The following RPS6KA2 variants were observed in gnomAD, a reference collection of about 807,000 sequenced individuals.
RPS6KA2 encodes the protein ribosomal protein S6 kinase alpha-2.
A neutral mutation model predicts 91.8 loss-of-function variants in RPS6KA2; 42 were observed. That is an observed-to-expected ratio of 0.46 (90% CI 0.36 to 0.59). The LOEUF (loss-of-function observed/expected upper bound fraction) is 0.59, where lower values mean the gene tolerates loss of function less well. RPS6KA2 is among the 20% of genes least tolerant of loss of function. RPS6KA2 has a pLI of 0.00. For synonymous variants in RPS6KA2, 414 were observed against 393.6 expected (o/e 1.05, Z -0.61); for missense variants, 798 against 978.5 (o/e 0.82, Z 2.46).
chr6:166,705,502 T>A (rs570270399), intron 2 of RPS6KA2, among the ~76,000 whole-genome samples: 1 of 152,158 alleles, frequency 6.6e-6, no homozygotes, highest in East Asian at 1.9e-4. Flanking sequence ...CCAGTAAACA[T>A]CACACTCAGT....
chr6:166,616,017 C>G (rs1342944315), intron 1 of RPS6KA2, among the ~76,000 whole-genome samples: 9 of 152,098 alleles, frequency 5.9e-5, no homozygotes, highest in Non-Finnish European at 1.3e-4. Flanking sequence ...AACAGCAGTC[C>G]CTGCGCTAGG....
chr6:166,702,780 A>T, intron 2 of RPS6KA2: 1 of 1,120,456 alleles, frequency 8.9e-7, no homozygotes, highest in Non-Finnish European at 1.4e-6. Flanking sequence ...CCTTCAAGAT[A>T]CCTTCTAGGT....
upstream of RPS6KA2, among the ~76,000 whole-genome samples, chr6:166,631,371 T>C (rs991172258): frequency 6.6e-6 from 1 of 152,226 alleles, no homozygotes; most frequent in Non-Finnish European, 1.5e-5. Context: ...GGTTTCAAGC[T>C]GTGGAAACCA....
intron 2 of RPS6KA2, among the ~76,000 whole-genome samples, chr6:166,721,175 A>G (rs1423594663): frequency 1.3e-5 from 2 of 152,222 alleles, no homozygotes; most frequent in Admixed American, 6.5e-5. Flanking sequence ...ATGGTTTAAC[A>G]TCAAAACATC....
At chr6:166,721,376 A>G (rs1790169130) in intron 2 of RPS6KA2, among the ~76,000 whole-genome samples, 1 of 152,226 alleles carries the variant, frequency 6.6e-6, no homozygotes, top group African/African-American at 2.4e-5. Context: ...ACCCGGGAGC[A>G]CAGGCCTAGC....
At chr6:166,711,635 G>A (rs1234592309) in intron 2 of RPS6KA2, among the ~76,000 whole-genome samples, 2 of 151,998 alleles carry the variant, frequency 1.3e-5, no homozygotes, top group Non-Finnish European at 2.9e-5. Context: ...GGGCTTAATA[G>A]CTGAGTCGAG....
At chr6:166,488,747 A>C in intron 10 of RPS6KA2, 86 bp downstream of exon 10, 1 of 1,016,748 alleles carries the variant, frequency 9.8e-7, no homozygotes. Flanking sequence ...GGGCCGGAGC[A>C]GGAGGGTGGC....
chr6:166,834,790 T>C (rs973144473), intron 2 of RPS6KA2, among the ~76,000 whole-genome samples: 1 of 151,818 alleles, frequency 6.6e-6, no homozygotes, highest in African/African-American at 2.4e-5. Context: ...TCTGACAGTG[T>C]CTTTTCAAGG....
At chr6:166,759,550 T>C (rs1453655035) in intron 2 of RPS6KA2, among the ~76,000 whole-genome samples, 4 of 152,270 alleles carry the variant, frequency 2.6e-5, no homozygotes, top group African/African-American at 9.6e-5. Context: ...TGTGATTTTA[T>C]GTGAGTCTCA....
At position 166,767,238 on chromosome 6, in the gene RPS6KA2, C is replaced by T. The variant is rs76310504; in HGVS notation, c.123+90962G>A. 5.0e-3 allele frequency among the ~76,000 whole-genome samples: 761 copies of T among 152,304 alleles called. 7 individuals are homozygous for T. Among genetic ancestry groups the T allele is most frequent in the African/African-American group, 0.017 (721 of 41,570 alleles). ...TCGCCTATCACCTCCCCATGAGCAA[C>T]GCCATCAAAAAGCAAAATACAACTG... On this transcript the variant is annotated intron_variant, in intron 2 of 21. Coordinates refer to the RPS6KA2 transcript ENST00000503859. The surrounding 1 kb of genome is among the most constrained non-coding windows in gnomAD (Gnocchi z 4.6).
chr6:166,795,601 C>T (rs1250715262), intron 2 of RPS6KA2, among the ~76,000 whole-genome samples: 1 of 152,196 alleles, frequency 6.6e-6, no homozygotes, highest in African/African-American at 2.4e-5. Context: ...AGGTAATCAT[C>T]GTGGTTGGAG....
intron 2 of RPS6KA2, among the ~76,000 whole-genome samples, chr6:166,765,763 G>A (rs1285175943): frequency 6.6e-6 from 1 of 152,156 alleles, no homozygotes; most frequent in Non-Finnish European, 1.5e-5. Context: ...TCGACTTAAG[G>A]TGTTTTAGGC....
At chr6:166,589,515 T>C (rs959757288) in intron 1 of RPS6KA2, among the ~76,000 whole-genome samples, 5 of 152,202 alleles carry the variant, frequency 3.3e-5, no homozygotes, top group African/African-American at 1.2e-4. Context: ...ACCCTTAGAA[T>C]TGAAATCAGT....
In RPS6KA2 at chr6:166,433,485, G is replaced by T. The variant is rs917396933; in HGVS notation, c.1333-995C>A. On this transcript the variant is annotated intron_variant, in intron 14 of 20. Transcript: ENST00000265678. This position sits in a 1 kb window ranked among gnomAD's most constrained non-coding sequence, Gnocchi z 4.4. ...CCCGCCCTTGCCGCCCCTGCTGTGG[G>T]GACGGGACCAGTGGGAGGAGGGCAC... 9.2e-5 allele frequency among the ~76,000 whole-genome samples: 14 copies of T among 152,164 alleles called. No individual in the cohort carries two copies. The highest frequency in any genetic ancestry group is 1.5e-5 in the Non-Finnish European group (1 of 68,034).
chr6:166,613,218 G>T (rs1015326575), intron 1 of RPS6KA2, among the ~76,000 whole-genome samples: 6 of 152,186 alleles, frequency 3.9e-5, no homozygotes, highest in African/African-American at 1.4e-4. Context: ...GAATGCTTCC[G>T]GTGCTGCATT....
intron 6 of RPS6KA2, among the ~76,000 whole-genome samples, 188 bp downstream of exon 6, chr6:166,504,318 A>G (rs1782122182): frequency 6.6e-6 from 1 of 152,226 alleles, no homozygotes; most frequent in Non-Finnish European, 1.5e-5. Context: ...GCAAATCAGC[A>G]AGGCCACACC....
At chr6:166,561,967 C>A (rs1485040093) in intron 1 of RPS6KA2, among the ~76,000 whole-genome samples, 1 of 152,074 alleles carries the variant, frequency 6.6e-6, no homozygotes, top group Admixed American at 6.5e-5. Flanking sequence ...AGGCACTGTG[C>A]AAAGCATTTT....
chr6:166,520,127 G>A (rs1782801629), intron 3 of RPS6KA2, among the ~76,000 whole-genome samples: 1 of 152,178 alleles, frequency 6.6e-6, no homozygotes, highest in Non-Finnish European at 1.5e-5. Flanking sequence ...TCGGACATCA[G>A]TGCCTGGTTC....
At chr6:166,472,705 A>C (rs577092073) in intron 10 of RPS6KA2, among the ~76,000 whole-genome samples, 5 of 152,172 alleles carry the variant, frequency 3.3e-5, no homozygotes, top group Non-Finnish European at 5.9e-5. Flanking sequence ...CCCACTGGAC[A>C]AATGACGGTG....
Sources: allele counts gnomAD v4.1 joint callset (sites outside exome capture counted in the v4.1 genomes callset), GRCh38; gene constraint gnomAD v4.1.1; non-coding constraint Gnocchi (gnomAD v3.1); transcripts MANE v1.5; gene names NCBI Gene and HGNC (gene_info 2026-07-23, HGNC 2026-07-21).